SLC22A11: variants seen among roughly 807,000 people sequenced by gnomAD.
SLC22A11 encodes the protein organic anion transporter 4.
SLC22A11 carries 42 observed loss-of-function variants against 49.4 expected under a neutral mutation model. The observed-to-expected ratio is 0.85, with a 90% CI of 0.66 to 1.10. The LOEUF is 1.10. Among genes scored for constraint, SLC22A11 ranks in the 50% least tolerant of loss-of-function variants. SLC22A11 has a pLI of 0.00. For missense variants in SLC22A11, 685 were observed against 731.6 expected (o/e 0.94, Z 0.74); for synonymous variants, 304 against 315.8 (o/e 0.96, Z 0.40).
intron 7 of SLC22A11, among the ~76,000 whole-genome samples, chr11:64,568,370 C>T (rs1316648920): frequency 4.6e-5 from 7 of 152,202 alleles, no homozygotes; most frequent in Non-Finnish European, 1.0e-4. Flanking sequence ...AGAGGCATCT[C>T]GGGACCCTAG....
rs200043601 is a variant in SLC22A11 at position 64,556,184 on chromosome 11, C to T, written c.185C>T (p.Thr62Ile). The T allele has an allele frequency of 6.2e-7, 1 of 1,614,204 alleles. No homozygotes were observed. The highest frequency in any genetic ancestry group is 8.5e-7 in the Non-Finnish European group (1 of 1,180,038). The change falls in exon 1 of 10, where the codon ACA becomes ATA. Residue 62 changes from threonine (T) to isoleucine (I), a missense_variant. By Grantham distance (89) the Thr-to-Ile change is moderately conservative. Coordinates refer to ENST00000301891, the MANE Select transcript of SLC22A11 (RefSeq NM_018484.4). Reference protein sequence around the residue: ...HMLDNGSAVSTNMTPKALLTI... With the variant: ...HMLDNGSAVSINMTPKALLTI... ...CTGGACAATGGCTCTGCGGTTTCCA[C>T]AAACATGACCCCCAAGGCCCTTCTG...
At chr11:64,567,451 C>T (rs1051728836) in intron 6 of SLC22A11, 148 bp from the exon 7 acceptor site, 2 of 735,046 alleles carry the variant, frequency 2.7e-6, no homozygotes, top group Non-Finnish European at 4.6e-6. Flanking sequence ...GTTTGGCAGG[C>T]TTCTGGGATC....
chr11:64,560,078 C>T (rs2038521640), intron 2 of SLC22A11, among the ~76,000 whole-genome samples: 1 of 151,000 alleles, frequency 6.6e-6, no homozygotes, highest in East Asian at 1.9e-4. Flanking sequence ...CCCCCTCACT[C>T]CCCCAGCAGC....
intron 1 of SLC22A11, among the ~76,000 whole-genome samples, 178 bp from the exon 2 acceptor site, chr11:64,558,957 G>A (rs904724433): frequency 6.6e-6 from 1 of 152,186 alleles, no homozygotes; most frequent in African/African-American, 2.4e-5. Flanking sequence ...GTCACATTCT[G>A]TCCTGCAGCT....
chr11:64,569,910 G>A (rs2038682278), intron 9 of SLC22A11, 52 bp downstream of exon 9: 1 of 1,582,248 alleles, frequency 6.3e-7, no homozygotes, highest in Non-Finnish European at 8.6e-7. Flanking sequence ...CCTGGGCCAA[G>A]ATGGAGACAG....
Position 64,556,016 on chromosome 11 carries a change from T to C in SLC22A11, c.17T>C (p.Leu6Pro). The change falls in exon 1 of 10, where the codon CTC becomes CCC. Residue 6 changes from leucine to proline, a missense_variant. Coordinates refer to ENST00000301891, the MANE Select transcript of SLC22A11 (RefSeq NM_018484.4). MAFSK[L>P]LEQAGGVGLF... is the part of the protein sequence containing the mutation. ...GCTCTGTTCATGGCGTTCTCGAAGC[T>C]CTTGGAGCAAGCCGGAGGCGTGGGC... 4 of 1,610,224 alleles carry C rather than the reference T, an allele frequency of 2.5e-6. No homozygotes were observed. Among genetic ancestry groups the C allele is most frequent in the Non-Finnish European group, 2.5e-6 (3 of 1,179,346 alleles).
intron 8 of SLC22A11, among the ~76,000 whole-genome samples, chr11:64,569,112 A>AGAGCCCCAAGT (rs1565124306): frequency 6.6e-6 from 1 of 152,172 alleles, no homozygotes; most frequent in Non-Finnish European, 1.5e-5. Context: ...CTGCCCCAAG[A>AGAGCCCCAAGT]GAGCCCCAAG....
In SLC22A11 at chr11:64,562,178, C is replaced by T. The variant is rs368216337; in HGVS notation, c.652+20C>T. 297 of 1,610,186 alleles carry T rather than the reference C, an allele frequency of 1.8e-4. No individual in the cohort carries two copies. The highest frequency in any genetic ancestry group is 2.8e-4 in the African/African-American group (21 of 74,882). ...CACTGAGTGAGTCCCCGGCTCAGCGCGCTCCTGCCATGGGGGCGGGGGTGG... is the reference window on the plus strand; with the variant it reads ...CACTGAGTGAGTCCCCGGCTCAGCGTGCTCCTGCCATGGGGGCGGGGGTGG... On this transcript the variant is annotated intron_variant, in intron 3 of 9. Transcript: ENST00000301891. The surrounding 1 kb of genome is among the most constrained non-coding windows in gnomAD (Gnocchi z 4.4).
chr11:64,565,138 G>A lies in SLC22A11; in HGVS notation c.943-84G>A. 9.1e-7 allele frequency: 1 copy of A among 1,101,334 alleles called. No individual in the cohort carries two copies. The highest frequency in any genetic ancestry group is 1.3e-6 in the Non-Finnish European group (1 of 773,780). The allele number at this position is 1,101,334 out of a possible 1,614,324, so 68.2% of individuals were successfully genotyped here. ...CCAGGACAGGCTCCCCGTCACTCTG[G>A]CCACTTGGACACTGTTCTCTGGCAC... is the stretch of plus-strand genomic sequence containing the variant. On this transcript the variant is annotated intron_variant, in intron 5 of 9. Transcript: ENST00000301891. This position sits in a 1 kb window ranked among gnomAD's most constrained non-coding sequence, Gnocchi z 4.1.
chr11:64,561,420 C>A (rs1176021696), intron 2 of SLC22A11, among the ~76,000 whole-genome samples: 1 of 152,084 alleles, frequency 6.6e-6, no homozygotes, highest in Non-Finnish European at 1.5e-5. Context: ...GGGCTCAAAC[C>A]CAGGCATCTG....
chr11:64,565,793 A>C lies in SLC22A11; in HGVS notation c.1058+456A>C, dbSNP rs937213790. 6 of 341,176 alleles carry C rather than the reference A, an allele frequency of 1.8e-5. No homozygotes were observed. Among genetic ancestry groups the C allele is most frequent in the African/African-American group, 1.3e-4 (6 of 46,522 alleles). 21.1% of individuals were successfully genotyped at this position (341,176 alleles called of 1,614,324 possible). ...AACCCCACTTCACTGATGGGGAAAG[A>C]GGATCCCAGAGGGGTAAGGAACAAG... On this transcript the variant is annotated intron_variant, in intron 6 of 9. Coordinates refer to ENST00000301891, the MANE Select transcript of SLC22A11 (RefSeq NM_018484.4). The surrounding 1 kb of genome is among the most constrained non-coding windows in gnomAD (Gnocchi z 4.1).
rs372461337 is a variant in SLC22A11, at chr11:64,557,923, G to A, written c.394-1212G>A. 1.9e-3 allele frequency among the ~76,000 whole-genome samples: 291 copies of A among 151,160 alleles called. 1 individual carries two copies. Among genetic ancestry groups the A allele is most frequent in the African/African-American group, 5.6e-3 (231 of 41,138 alleles). Reference sequence around the variant, plus strand: ...AGCGATTCTCCAGCCTCAGCCTCCCGAGTAGCTGGAATTACAGGCATGCAC... The same window carrying A: ...AGCGATTCTCCAGCCTCAGCCTCCCAAGTAGCTGGAATTACAGGCATGCAC... On this transcript the variant is annotated intron_variant, in intron 1 of 9. Transcript: ENST00000301891.
chr11:64,565,370 G>C lies in SLC22A11; in HGVS notation c.1058+33G>C. 1 of 1,522,378 alleles carries C rather than the reference G, an allele frequency of 6.6e-7. No homozygotes were observed. Among genetic ancestry groups the C allele is most frequent in the Non-Finnish European group, 8.9e-7 (1 of 1,127,846 alleles). 94.3% of individuals were successfully genotyped at this position (1,522,378 alleles called of 1,614,324 possible). On this transcript the variant is annotated intron_variant, in intron 6 of 9. Coordinates refer to ENST00000301891, the MANE Select transcript of SLC22A11 (RefSeq NM_018484.4). The surrounding 1 kb of genome is among the most constrained non-coding windows in gnomAD (Gnocchi z 4.1). ...GTCCTGGTGTCCCTCCCCAAGGCAG[G>C]GCTGGGACAGGCAGGAGGCAGAGCT...
chr11:64,556,745 A>G (rs1408352076), intron 1 of SLC22A11, among the ~76,000 whole-genome samples: 4 of 152,128 alleles, frequency 2.6e-5, no homozygotes, highest in African/African-American at 9.7e-5. Context: ...AACTGACCCA[A>G]CAGGCTTCTT....
In SLC22A11 at chr11:64,567,824, C is replaced by G. The variant is rs746433955; in HGVS notation, c.1273+11C>G. 9.1e-5 allele frequency: 143 copies of G among 1,563,630 alleles called. No homozygotes were observed. In the African/African-American group the frequency reaches 1.9e-3, roughly 21 times the overall value. ...TGCTGGTGCCGCAAGGTGAGGCAGG[C>G]GGACTGGGCGGTGGGACCGGGCCCT... On this transcript the variant is annotated intron_variant, in intron 7 of 9. Transcript: ENST00000301891.
Position 64,562,545 on chromosome 11 carries a change from G to C in SLC22A11, c.821+110G>C. The C allele has an allele frequency of 8.1e-7, 1 of 1,230,802 alleles. No homozygotes were observed. The highest frequency in any genetic ancestry group is 1.1e-6 in the Non-Finnish European group (1 of 900,810). The allele number at this position is 1,230,802 out of a possible 1,614,324, so 76.2% of individuals were successfully genotyped here. Reference sequence around the variant, plus strand: ...TCCAGAGACCTGGAGTGCCACAGAAGGGCCATGGCATGAGCGGCACCCTCG... The same window carrying C: ...TCCAGAGACCTGGAGTGCCACAGAACGGCCATGGCATGAGCGGCACCCTCG... On this transcript the variant is annotated intron_variant, in intron 4 of 9. Coordinates refer to ENST00000301891, the MANE Select transcript of SLC22A11 (RefSeq NM_018484.4). The surrounding 1 kb of genome is among the most constrained non-coding windows in gnomAD (Gnocchi z 4.4).
Position 64,562,460 on chromosome 11 carries a change from CTTAGGAGACCCA to C in SLC22A11, c.821+26_821+37del. The C allele has an allele frequency of 6.6e-7, 1 of 1,518,306 alleles. No homozygotes were observed. The highest frequency in any genetic ancestry group is 8.8e-7 in the Non-Finnish European group (1 of 1,134,818). The allele number at this position is 1,518,306 out of a possible 1,614,324, so 94.1% of individuals were successfully genotyped here. ...GGTCAGTATGATGTGGGACCTTTTC[CTTAGGAGACCCA>C]GGGTGGGAGGGGGACTCTTCACTTT... On this transcript the variant is annotated intron_variant, in intron 4 of 9. Coordinates refer to ENST00000301891, the MANE Select transcript of SLC22A11 (RefSeq NM_018484.4). This position sits in a 1 kb window ranked among gnomAD's most constrained non-coding sequence, Gnocchi z 4.4.
chr11:64,570,938 C>T (rs1251933742), intron 9 of SLC22A11, 41 bp from the exon 10 acceptor site: 5 of 1,609,444 alleles, frequency 3.1e-6, no homozygotes, highest in Admixed American at 3.3e-5. Context: ...AGTACATACC[C>T]ACTTCACCAC....
At chr11:64,570,587 T>C (rs2038690403) in intron 9 of SLC22A11, among the ~76,000 whole-genome samples, 1 of 152,140 alleles carries the variant, frequency 6.6e-6, no homozygotes, top group Admixed American at 6.5e-5. Flanking sequence ...CCGCCTCAAT[T>C]CTGATGGTGA....
Sources: gnomAD v4.1 joint callset for allele counts (sites outside exome capture counted in the v4.1 genomes callset) on GRCh38, gnomAD v4.1.1 for gene constraint, Gnocchi (gnomAD v3.1) non-coding constraint, MANE v1.5 for transcripts, NCBI Gene and HGNC (gene_info 2026-07-23, HGNC 2026-07-21) for gene names.